The following KCNIP4 variants were observed in gnomAD, a reference collection of about 807,000 sequenced individuals.
The protein encoded by KCNIP4 is potassium voltage-gated channel interacting protein 4.
In KCNIP4, 12 loss-of-function variants were observed where a neutral mutation model predicts 34.0. That is an observed-to-expected ratio of 0.35 (90% CI 0.23 to 0.57). KCNIP4 has a LOEUF of 0.57. Among genes scored for constraint, KCNIP4 ranks in the 20% least tolerant of loss-of-function variants. The pLI is 0.83. For synonymous variants in KCNIP4, 124 were observed against 102.2 expected (o/e 1.21, Z -1.29); for missense variants, 238 against 311.7 (o/e 0.76, Z 1.78).
At chr4:21,258,654 C>T (rs1285939818) in intron 1 of KCNIP4, among the ~76,000 whole-genome samples, 1 of 152,072 alleles carries the variant, frequency 6.6e-6, no homozygotes, top group East Asian at 1.9e-4. Flanking sequence ...TGTTCCATGT[C>T]CTGACCTCTG....
chr4:21,036,653 G>A (rs972178357), intron 1 of KCNIP4, among the ~76,000 whole-genome samples: 1 of 152,212 alleles, frequency 6.6e-6, no homozygotes, highest in African/African-American at 2.4e-5. Context: ...TTGAATTGGG[G>A]AGGCGGAGGT....
intron 1 of KCNIP4, among the ~76,000 whole-genome samples, chr4:21,584,343 A>C (rs371312347): frequency 4.6e-5 from 7 of 152,070 alleles, no homozygotes; most frequent in African/African-American, 1.4e-4. Context: ...TTAATTCATA[A>C]AGGGCAACTA....
intron 1 of KCNIP4, among the ~76,000 whole-genome samples, chr4:21,515,661 T>G (rs1236649841): frequency 6.6e-6 from 1 of 151,902 alleles, no homozygotes; most frequent in Non-Finnish European, 1.5e-5. Flanking sequence ...AGTAGGAACT[T>G]GAGTAATTAG....
intron 1 of KCNIP4, among the ~76,000 whole-genome samples, chr4:21,862,866 C>A (rs2109353408): frequency 6.6e-6 from 1 of 151,090 alleles, no homozygotes; most frequent in African/African-American, 2.4e-5. Flanking sequence ...GAGGCTGAGG[C>A]AGGAGAATGG....
chr4:21,378,147 AATC>A (rs1298352826), intron 1 of KCNIP4, among the ~76,000 whole-genome samples: 1 of 152,190 alleles, frequency 6.6e-6, no homozygotes, highest in African/African-American at 2.4e-5. Flanking sequence ...TCTCTCAGTC[AATC>A]ATCAAGTTAT....
At chr4:20,969,214 C>G (rs1734680732) in intron 1 of KCNIP4, among the ~76,000 whole-genome samples, 1 of 152,060 alleles carries the variant, frequency 6.6e-6, no homozygotes, top group Non-Finnish European at 1.5e-5. Context: ...ACTGTTAGCC[C>G]TTTTCATAAA....
intron 1 of KCNIP4, among the ~76,000 whole-genome samples, chr4:21,546,468 G>A (rs73252245): frequency 2.0e-3 from 309 of 152,222 alleles, no homozygotes; most frequent in Admixed American, 7.1e-3. Context: ...CGAAGAGAGA[G>A]AAACAGAAAC....
intron 1 of KCNIP4, among the ~76,000 whole-genome samples, chr4:21,302,383 A>T (rs1205926951): frequency 6.6e-6 from 1 of 152,212 alleles, no homozygotes; most frequent in African/African-American, 2.4e-5. Flanking sequence ...CCCTCAACAG[A>T]GCTAGGAATT....
chr4:21,047,172 C>G (rs1159949827), intron 1 of KCNIP4, among the ~76,000 whole-genome samples: 1 of 152,194 alleles, frequency 6.6e-6, no homozygotes, highest in African/African-American at 2.4e-5. Flanking sequence ...ATTTATTTGG[C>G]ACATTGTGGC....
chr4:21,785,216 T>A (rs1719823681), intron 1 of KCNIP4, among the ~76,000 whole-genome samples: 1 of 151,728 alleles, frequency 6.6e-6, no homozygotes, highest in South Asian at 2.1e-4. Context: ...ATTTAAAGTA[T>A]CCAATTCAAT....
chr4:21,741,458 C>A (rs1314487485), intron 1 of KCNIP4, among the ~76,000 whole-genome samples: 1 of 152,100 alleles, frequency 6.6e-6, no homozygotes, highest in Non-Finnish European at 1.5e-5. Context: ...TGCTTCTATT[C>A]CCCAAGGAAG....
intron 5 of KCNIP4, among the ~76,000 whole-genome samples, chr4:20,748,571 T>TAA (rs1752898136): frequency 3.3e-5 from 1 of 29,916 alleles, no homozygotes; most frequent in Admixed American, 3.5e-4. Flanking sequence ...TATATATATA[T>TAA]ATATATATAT....
At position 21,207,849 on chromosome 4, in the gene KCNIP4, T is replaced by C. The variant is rs190520947; in HGVS notation, c.62-325140A>G. ...TTTCTCCTTTTTTCTTTTTCTTTTT[T>C]TTTTTTTTTCTGAGACATAGTCTGG... is the stretch of plus-strand genomic sequence containing the variant. On this transcript the variant is annotated intron_variant, in intron 1 of 8. Transcript: ENST00000382152. Among the ~76,000 whole-genome samples, 456 of 149,832 alleles carry C rather than the reference T, an allele frequency of 3.0e-3. 4 individuals are homozygous for C. Among genetic ancestry groups the C allele is most frequent in the African/African-American group, 9.9e-3 (404 of 40,674 alleles).
intron 1 of KCNIP4, among the ~76,000 whole-genome samples, chr4:20,956,597 G>A (rs530902320): frequency 2.8e-4 from 42 of 152,142 alleles, no homozygotes; most frequent in African/African-American, 9.2e-4. Flanking sequence ...GTTCAAAAAT[G>A]TACTCACTGC....
chr4:21,586,092 A>G (rs1441763503), intron 1 of KCNIP4, among the ~76,000 whole-genome samples: 1 of 152,128 alleles, frequency 6.6e-6, no homozygotes, highest in African/African-American at 2.4e-5. Context: ...GCAATTAATT[A>G]AGAACCAGCA....
chr4:21,228,347 A>C (rs1345266213), intron 1 of KCNIP4, among the ~76,000 whole-genome samples: 1 of 151,970 alleles, frequency 6.6e-6, no homozygotes, highest in Non-Finnish European at 1.5e-5. Context: ...CTTCCCCTTC[A>C]CCTTCTGCCA....
At chr4:21,339,221 T>C (rs757474289) in intron 1 of KCNIP4, among the ~76,000 whole-genome samples, 6 of 152,196 alleles carry the variant, frequency 3.9e-5, no homozygotes, top group Admixed American at 1.3e-4. Context: ...TGTTATCCAA[T>C]TGCAGAAATG....
intron 3 of KCNIP4, among the ~76,000 whole-genome samples, chr4:20,808,892 A>G (rs2149429962): frequency 6.6e-6 from 1 of 152,340 alleles, no homozygotes; most frequent in South Asian, 2.1e-4. Context: ...TTCAGCTTAG[A>G]TATTTAAATC....
rs187833728 is a variant in KCNIP4 at position 21,917,370 on chromosome 4, C to T, written c.61+31201G>A. Among the ~76,000 whole-genome samples, 5 of 152,232 alleles carry T rather than the reference C, an allele frequency of 3.3e-5. 1 individual carries two copies. Among genetic ancestry groups the T allele is most frequent in the Admixed American group, 1.3e-4 (2 of 15,288 alleles). On this transcript the variant is annotated intron_variant, in intron 1 of 8. Coordinates refer to ENST00000382152, the MANE Select transcript of KCNIP4 (RefSeq NM_025221.6). ...CAGACTGGTCTCAAACTCCTGACCTCGTGATCCACCCACCTTGGCCTCCCA... is the reference window on the plus strand; with the variant it reads ...CAGACTGGTCTCAAACTCCTGACCTTGTGATCCACCCACCTTGGCCTCCCA...
Sources: gnomAD v4.1 joint callset for allele counts (sites outside exome capture counted in the v4.1 genomes callset) on GRCh38, gnomAD v4.1.1 for gene constraint, MANE v1.5 for transcripts, NCBI Gene and HGNC (gene_info 2026-07-23, HGNC 2026-07-21) for gene names.